The following TTC7B variants were observed in gnomAD, a reference collection of about 807,000 sequenced individuals.
The protein encoded by TTC7B is tetratricopeptide repeat domain 7B.
A neutral mutation model predicts 106.8 loss-of-function variants in TTC7B; 28 were observed. The ratio of observed to expected loss-of-function variants is 0.26; its 90% CI spans 0.19 to 0.36. The LOEUF (loss-of-function observed/expected upper bound fraction) is 0.36, where lower values mean the gene tolerates loss of function less well. Among genes scored for constraint, TTC7B ranks in the 10% least tolerant of loss-of-function variants. The probability of loss-of-function intolerance (pLI) is 1.00; values close to 1 mark genes in which losing one functional copy is unlikely to be tolerated. For synonymous variants in TTC7B, 405 were observed against 430.6 expected, an observed-to-expected ratio of 0.94 and a Z score of 0.74; for missense variants, 862 against 1,076.4, an observed-to-expected ratio of 0.80 and a Z score of 2.79.
chr14:90,599,433 G>A (rs1617185), intron 17 of TTC7B, among the ~76,000 whole-genome samples: 2 of 152,044 alleles, frequency 1.3e-5, no homozygotes, highest in Non-Finnish European at 1.5e-5. Flanking sequence ...TGCCAGGAAC[G>A]ACGGACAGCC....
intron 1 of TTC7B, among the ~76,000 whole-genome samples, chr14:90,798,855 A>G (rs1465883038): frequency 1.3e-5 from 2 of 152,096 alleles, no homozygotes; most frequent in East Asian, 1.9e-4. Flanking sequence ...GACACGATGT[A>G]GGAGGCTGTT....
chr14:90,651,635 C>G (rs1885721521), intron 13 of TTC7B, among the ~76,000 whole-genome samples: 2 of 152,226 alleles, frequency 1.3e-5, no homozygotes, highest in African/African-American at 4.8e-5. Context: ...TTTCCACACT[C>G]CGTGCTGAGG....
chr14:90,744,718 A>T (rs1379479836), intron 4 of TTC7B, 74 bp downstream of exon 4: 1 of 1,498,676 alleles, frequency 6.7e-7, no homozygotes, highest in Non-Finnish European at 9.1e-7. Context: ...AGCTTCCTAG[A>T]GATTAATCTC....
intron 17 of TTC7B, 151 bp from the exon 18 acceptor site, chr14:90,593,777 A>ACGGCC (rs1892081876): frequency 5.6e-6 from 4 of 718,044 alleles, no homozygotes; most frequent in Non-Finnish European, 8.2e-6. Flanking sequence ...GCGGGCAATC[A>ACGGCC]CGGCCCGGGG....
At chr14:90,812,163 G>A (rs1326193493) in intron 1 of TTC7B, among the ~76,000 whole-genome samples, 1 of 152,134 alleles carries the variant, frequency 6.6e-6, no homozygotes, top group Admixed American at 6.5e-5. Flanking sequence ...GGCTGAGCAG[G>A]GAGGAAAGGC....
chr14:90,669,867 T>C (rs555107661), intron 9 of TTC7B, among the ~76,000 whole-genome samples: 24 of 152,348 alleles, frequency 1.6e-4, no homozygotes, highest in Admixed American at 3.3e-4. Context: ...AAAAACAGTC[T>C]GGCAGTTCCT....
At chr14:90,653,359 G>T (rs1885814070) in intron 12 of TTC7B, among the ~76,000 whole-genome samples, 1 of 152,184 alleles carries the variant, frequency 6.6e-6, no homozygotes, top group South Asian at 2.1e-4. Context: ...GCAGTCCTGG[G>T]CCACCGACAG....
chr14:90,541,564 C>T lies in TTC7B; in HGVS notation c.2336G>A (p.Arg779His), dbSNP rs768132743. Residue 779 changes from arginine (R) to histidine (H), a missense_variant, in exon 20 of 20, where the codon CGC becomes CAC. Transcript: ENST00000328459. ...RLALILHQLG[R>H]YSLAEKILRD... ...GAGGATCTTCTCCGCCAGACTGTAG[C>T]GGCCTAGCTGGTGAAGGATCAGGGC... 5 of 1,602,094 alleles carry T rather than the reference C, an allele frequency of 3.1e-6. No individual in the cohort carries two copies. The highest frequency in any genetic ancestry group is 1.7e-5 in the Admixed American group (1 of 59,648).
chr14:90,588,669 C>A (rs1891821103), intron 18 of TTC7B, among the ~76,000 whole-genome samples: 1 of 152,148 alleles, frequency 6.6e-6, no homozygotes, highest in Non-Finnish European at 1.5e-5. Context: ...TTCTATCCAG[C>A]CTGGGCTCCC....
intron 16 of TTC7B, among the ~76,000 whole-genome samples, chr14:90,614,677 C>T (rs1276267603): frequency 2.6e-5 from 4 of 152,230 alleles, no homozygotes; most frequent in Non-Finnish European, 5.9e-5. Flanking sequence ...AGTTATTTAG[C>T]CACTTTTAGC....
At chr14:90,556,546 G>C (rs1011515656) in intron 19 of TTC7B, among the ~76,000 whole-genome samples, 19 of 152,136 alleles carry the variant, frequency 1.2e-4, no homozygotes, top group African/African-American at 4.1e-4. Flanking sequence ...ACATTTCCCT[G>C]GTTGACTTAT....
At chr14:90,670,646 C>T (rs895729338) in intron 9 of TTC7B, among the ~76,000 whole-genome samples, 1 of 152,102 alleles carries the variant, frequency 6.6e-6, no homozygotes, top group Non-Finnish European at 1.5e-5. Context: ...TTGAGGACCA[C>T]GTTAAGAAAG....
Position 90,631,409 on chromosome 14 carries a change from T to C in TTC7B, c.1751+12639A>G, listed in dbSNP as rs1016512737. Among the ~76,000 whole-genome samples, 5 of 117,502 alleles carry C rather than the reference T, an allele frequency of 4.3e-5. No homozygotes were observed. The Admixed American group carries it at 4.3e-4, about 10-fold the overall frequency. The allele number at this position is 117,502 out of a possible 152,430, so 77.1% of individuals were successfully genotyped here. ...CTGTTTTCCATAGCGTCTGCACCAA[T>C]TTTTTTTTTTTTTTTTTGAGACAGA... On this transcript the variant is annotated intron_variant, in intron 15 of 19. Transcript: ENST00000328459.
At chr14:90,777,069 CTACTAAAAAAAAA>C (rs1310871666) in intron 3 of TTC7B, among the ~76,000 whole-genome samples, 1 of 152,086 alleles carries the variant, frequency 6.6e-6, no homozygotes, top group East Asian at 1.9e-4. Flanking sequence ...AACCCTGTCT[CTACTAAAAAAAAA>C]TACAAAAATT....
chr14:90,774,024 G>A (rs1028778211), intron 3 of TTC7B, among the ~76,000 whole-genome samples: 3 of 152,178 alleles, frequency 2.0e-5, no homozygotes, highest in Non-Finnish European at 4.4e-5. Context: ...CTATTCAGAG[G>A]AGCCACTGCT....
chr14:90,731,812 G>C (rs903380837), intron 4 of TTC7B, among the ~76,000 whole-genome samples: 1 of 152,108 alleles, frequency 6.6e-6, no homozygotes, highest in Non-Finnish European at 1.5e-5. Context: ...TGCTGCCAAC[G>C]CCCAAGTTTA....
chr14:90,532,373 G>A lies in TTC7B; in HGVS notation c.*8995C>T, dbSNP rs1008242907. On this transcript the variant is annotated 3_prime_UTR_variant, in exon 20 of 20. Transcript: ENST00000328459. ...TCCCTCTTCACATGGTCTGGTCCTT[G>A]CTGGCAATGTGAGGATGGGCCAATG... 5.9e-5 allele frequency: 9 copies of A among 152,286 alleles called. No individual in the cohort carries two copies. Among genetic ancestry groups the A allele is most frequent in the African/African-American group, 2.2e-4 (9 of 41,558 alleles). The allele number at this position is 152,286 out of a possible 1,614,324, so 9.4% of individuals were successfully genotyped here.
chr14:90,791,482 C>T lies in TTC7B; in HGVS notation c.122-5154G>A, dbSNP rs770917727. The stretch of plus-strand genomic sequence containing the variant: ...TTGTTGTCCCAGAATATTCACTCTC[C>T]CTTTCTTCCTTTAGTATTAAAATTC... On this transcript the variant is annotated intron_variant, in intron 1 of 19. Transcript: ENST00000328459. Among the ~76,000 whole-genome samples the T allele has an allele frequency of 7.9e-5, 12 of 152,190 alleles. 1 individual carries two copies. Among genetic ancestry groups the T allele is most frequent in the Non-Finnish European group, 1.8e-4 (12 of 68,040 alleles).
At chr14:90,592,879 G>C (rs1233572554) in intron 18 of TTC7B, among the ~76,000 whole-genome samples, 1 of 152,082 alleles carries the variant, frequency 6.6e-6, no homozygotes, top group East Asian at 1.9e-4. Context: ...AAATTACAGA[G>C]AGAGCCATCA....
Sources: allele counts gnomAD v4.1 joint callset (sites outside exome capture counted in the v4.1 genomes callset), GRCh38; gene constraint gnomAD v4.1.1; transcripts MANE v1.5; gene names NCBI Gene and HGNC (gene_info 2026-07-23, HGNC 2026-07-21).